The following BICC1 variants were observed in gnomAD, a reference collection of about 807,000 sequenced individuals.
BICC1 encodes BicC family RNA binding protein 1.
Under a neutral mutation model 111.0 loss-of-function variants are expected in BICC1, and 43 were observed. The ratio of observed to expected loss-of-function variants is 0.39; its 90% CI spans 0.30 to 0.50. The LOEUF is 0.50. Ranked by LOEUF, BICC1 falls within the 20% of genes least tolerant of loss-of-function variation. The pLI is 0.88. For synonymous variants in BICC1, 467 were observed against 434.4 expected (o/e 1.07, Z -0.93); for missense variants, 1,091 against 1,203.2 (o/e 0.91, Z 1.38).
intron 3 of BICC1, among the ~76,000 whole-genome samples, chr10:58,765,111 C>G (rs1014549239): frequency 2.0e-5 from 3 of 152,054 alleles, no homozygotes; most frequent in African/African-American, 7.2e-5. Context: ...TTGAGACAGT[C>G]TTGCTCTGTT....
At chr10:58,826,118 G>A (rs1844386830) in intron 20 of BICC1, among the ~76,000 whole-genome samples, 1 of 152,110 alleles carries the variant, frequency 6.6e-6, no homozygotes, top group Admixed American at 6.6e-5. Flanking sequence ...TTTAGAGTGG[G>A]TGCAGGATTG....
In BICC1 at chr10:58,513,161, GCCCGGCTACCTGGCGGCGCAGTCGGAC is replaced by G. The variant is rs1842141217; in HGVS notation, c.26_52del (p.Tyr9_Gly17del). On this transcript the variant is annotated inframe_deletion, in exon 1 of 21. Transcript: ENST00000373886. ...CGCCCACCATGGCCGCCCAGGGAGA[GCCCGGCTACCTGGCGGCGCAGTCGGAC>G]CCCGGCTCCAACAGCGAGCGCAGCA... is the stretch of plus-strand genomic sequence containing the variant. 1 of 1,551,612 alleles carries G rather than the reference GCCCGGCTACCTGGCGGCGCAGTCGGAC, an allele frequency of 6.4e-7. No homozygotes were observed. The highest frequency in any genetic ancestry group is 1.4e-5 in the African/African-American group (1 of 71,384).
chr10:58,536,316 A>C (rs1328141666), intron 1 of BICC1, among the ~76,000 whole-genome samples: 1 of 151,834 alleles, frequency 6.6e-6, no homozygotes, highest in Non-Finnish European at 1.5e-5. Flanking sequence ...AAAATAGATC[A>C]TATGTAAGCT....
At chr10:58,796,134 A>G (rs935783850) in intron 9 of BICC1, among the ~76,000 whole-genome samples, 1 of 152,190 alleles carries the variant, frequency 6.6e-6, no homozygotes, top group Non-Finnish European at 1.5e-5. Flanking sequence ...TGCCCAATAA[A>G]TGGTAACCAA....
intron 2 of BICC1, among the ~76,000 whole-genome samples, chr10:58,696,932 T>C (rs1217743584): frequency 2.6e-5 from 4 of 152,174 alleles, no homozygotes; most frequent in African/African-American, 7.2e-5. Flanking sequence ...CCCACCCCCC[T>C]GCTGAGACGA....
chr10:58,657,124 A>G (rs532018120), intron 2 of BICC1, among the ~76,000 whole-genome samples: 3 of 152,198 alleles, frequency 2.0e-5, no homozygotes, highest in South Asian at 4.1e-4. Flanking sequence ...CATTCCATCT[A>G]CCTGAATGCT....
In BICC1 at chr10:58,828,840, G is replaced by T; in HGVS notation, c.2874G>T (p.Arg958Ser). ...TSFLEGGASG[R>S]LPRQYHSDIA... ...TCCTGGAAGGTGGAGCGAGTGGAAGGCTACCCCGTCAGTATCACTCAGACA... is the reference window on the plus strand; with the variant it reads ...TCCTGGAAGGTGGAGCGAGTGGAAGTCTACCCCGTCAGTATCACTCAGACA... Residue 958 changes from arginine to serine, a missense_variant, in exon 21 of 21, where the codon AGG becomes AGT. Around this residue, in one of 3 missense-constraint regions of BICC1, gnomAD observed 231 missense variants for 256.2 expected, o/e 0.90. Coordinates refer to ENST00000373886, the MANE Select transcript of BICC1 (RefSeq NM_001080512.3). 6.2e-7 allele frequency: 1 copy of T among 1,613,958 alleles called. No homozygotes were observed. The highest frequency in any genetic ancestry group is 8.5e-7 in the Non-Finnish European group (1 of 1,179,896).
intron 2 of BICC1, among the ~76,000 whole-genome samples, chr10:58,629,998 C>A (rs1837744897): frequency 6.6e-6 from 1 of 152,082 alleles, no homozygotes; most frequent in Admixed American, 6.6e-5. Context: ...AGGAGAAGGC[C>A]TTATTTTGCA....
At chr10:58,724,733 A>G (rs1841047322) in intron 3 of BICC1, among the ~76,000 whole-genome samples, 1 of 152,216 alleles carries the variant, frequency 6.6e-6, no homozygotes, top group African/African-American at 2.4e-5. Context: ...AGATGGGGAC[A>G]CTGGCTTACA....
intron 1 of BICC1, among the ~76,000 whole-genome samples, chr10:58,558,616 T>C (rs987919351): frequency 2.6e-5 from 4 of 152,290 alleles, no homozygotes; most frequent in African/African-American, 9.6e-5. Flanking sequence ...TGGCAGAGTA[T>C]GTCTCTTGCC....
chr10:58,783,392 T>G (rs1389059216), intron 3 of BICC1, among the ~76,000 whole-genome samples: 1 of 152,022 alleles, frequency 6.6e-6, no homozygotes, highest in African/African-American at 2.4e-5. Flanking sequence ...CTCCCTCTTT[T>G]TTGGTGAGGG....
chr10:58,524,644 T>G (rs76100478), intron 1 of BICC1, among the ~76,000 whole-genome samples: 69,001 of 150,932 alleles, frequency 0.46, 16,787 homozygotes, highest in Admixed American at 0.62. Flanking sequence ...TCAGGACATA[T>G]GCATGGGCAA....
chr10:58,668,627 TAACAG>T (rs897601058), intron 2 of BICC1, among the ~76,000 whole-genome samples: 19 of 152,242 alleles, frequency 1.2e-4, no homozygotes, highest in African/African-American at 4.1e-4. Flanking sequence ...GTTTTATTGA[TAACAG>T]AGAGTTCTGG....
chr10:58,513,441 T>G (rs900932663), intron 1 of BICC1, 108 bp downstream of exon 1: 62 of 1,050,234 alleles, frequency 5.9e-5, no homozygotes, highest in Middle Eastern at 4.6e-4. Context: ...GGCCGGCCGG[T>G]TTAGCTCCAG....
At chr10:58,782,089 C>T (rs909541159) in intron 3 of BICC1, among the ~76,000 whole-genome samples, 1 of 152,128 alleles carries the variant, frequency 6.6e-6, no homozygotes, top group African/African-American at 2.4e-5. Context: ...GGTGCCCTTT[C>T]ACTTTGAATG....
chr10:58,665,439 G>A (rs1838978624), intron 2 of BICC1, among the ~76,000 whole-genome samples: 1 of 151,996 alleles, frequency 6.6e-6, no homozygotes. Flanking sequence ...GATTGTACTT[G>A]TTGAAGCCCG....
At chr10:58,764,405 A>G (rs1278182848) in intron 3 of BICC1, among the ~76,000 whole-genome samples, 1 of 152,194 alleles carries the variant, frequency 6.6e-6, no homozygotes, top group Non-Finnish European at 1.5e-5. Flanking sequence ...TTCTCGACAC[A>G]TTATTGGCAG....
rs1472210235 is a variant in BICC1, at chr10:58,789,730, G to C, written c.844G>C (p.Ala282Pro). 6.2e-7 allele frequency: 1 copy of C among 1,614,108 alleles called. No individual in the cohort carries two copies. The highest frequency in any genetic ancestry group is 8.5e-7 in the Non-Finnish European group (1 of 1,179,994). ...ACATCTTGCTGGGAGCTTAGCATCAGCTATTCCTGTGAGCACACAACTAGA... is the reference window on the plus strand; with the variant it reads ...ACATCTTGCTGGGAGCTTAGCATCACCTATTCCTGTGAGCACACAACTAGA... ...LEHLAGSLAS[A>P]IPVSTQLDIA... Residue 282 changes from alanine (A) to proline (P), a missense_variant, in exon 8 of 21, where the codon GCT becomes CCT. Physicochemically the swap from Ala to Pro is conservative, Grantham distance 27. Around this residue, in one of 3 missense-constraint regions of BICC1, gnomAD observed 843 missense variants for 900.8 expected, o/e 0.94. Transcript: ENST00000373886.
chr10:58,800,321 C>A lies in BICC1; in HGVS notation c.1853C>A (p.Thr618Asn). The stretch of plus-strand genomic sequence containing the variant: ...CAGACATCTCCCAAATCAAGCCCCA[C>A]TGAAGGTCGGGAACTGTACCCTTCT... ...SEQTSPKSSP[T>N]EGCNDAFVEV... Residue 618 changes from threonine to asparagine, a missense_variant, in exon 13 of 21, where the codon ACT becomes AAT. By Grantham distance (65) the Thr-to-Asn change is moderately conservative. Transcript: ENST00000373886. 1 of 1,613,420 alleles carries A rather than the reference C, an allele frequency of 6.2e-7. No individual in the cohort carries two copies. The highest frequency in any genetic ancestry group is 8.5e-7 in the Non-Finnish European group (1 of 1,179,660).
Sources: allele counts gnomAD v4.1 joint callset (sites outside exome capture counted in the v4.1 genomes callset), GRCh38; gene constraint gnomAD v4.1.1; regional missense constraint gnomAD v4.1.1; transcripts MANE v1.5; gene names NCBI Gene and HGNC (gene_info 2026-07-23, HGNC 2026-07-21).